Variants in SMCO1 observed in about 807,000 individuals in gnomAD.
SMCO1 encodes single-pass membrane and coiled-coil domain-containing protein 1.
Under a neutral mutation model 7.5 loss-of-function variants are expected in SMCO1, and 9 were observed. The observed-to-expected ratio is 1.20, with a 90% confidence interval of 0.72 to 2.09. SMCO1 has a LOEUF of 2.09. SMCO1 is among the 30% of genes most tolerant of loss of function. The pLI is 0.00. For synonymous variants in SMCO1, 90 were observed against 93.8 expected (o/e 0.96, Z 0.23); for missense variants, 219 against 253.1 (o/e 0.87, Z 0.91).
upstream of SMCO1, among the ~76,000 whole-genome samples, chr3:196,518,112 T>C (rs1030390967): frequency 3.3e-5 from 5 of 152,202 alleles, no homozygotes; most frequent in Admixed American, 6.5e-5. Flanking sequence ...AGAAGTAACA[T>C]GTACAGGCAT....
intron 1 of SMCO1, among the ~76,000 whole-genome samples, chr3:196,513,008 C>T (rs910278546): frequency 4.6e-5 from 7 of 152,038 alleles, no homozygotes; most frequent in Admixed American, 3.3e-4. Flanking sequence ...ACCTGATATG[C>T]CTGTAATTTC....
chr3:196,514,976 G>C (rs756209675), intron 1 of SMCO1, 184 bp downstream of exon 1: 1 of 669,410 alleles, frequency 1.5e-6, no homozygotes, highest in Non-Finnish European at 2.6e-6. Flanking sequence ...TCTTGACCCT[G>C]TGATCCGCCC....
upstream of SMCO1, among the ~76,000 whole-genome samples, chr3:196,517,057 A>G (rs1733404578): frequency 7.1e-6 from 1 of 140,118 alleles, no homozygotes. Flanking sequence ...AGAAATAGCA[A>G]TTGCGCCACT....
upstream of SMCO1, chr3:196,515,500 G>T: frequency 2.6e-6 from 1 of 389,176 alleles, no homozygotes; most frequent in Non-Finnish European, 4.7e-6. Context: ...CAACAACCAT[G>T]TATAATTAAT....
At chr3:196,512,548 T>C (rs1226815459) in intron 1 of SMCO1, among the ~76,000 whole-genome samples, 2 of 147,570 alleles carry the variant, frequency 1.4e-5, no homozygotes, top group Non-Finnish European at 3.0e-5. Context: ...AGTCTTGCTC[T>C]GTCGCCAGGC....
chr3:196,517,104 CAAAAAAAAAAAAAAAA>C (rs56104987), upstream of SMCO1, among the ~76,000 whole-genome samples: 4 of 35,738 alleles, frequency 1.1e-4, no homozygotes, highest in African/African-American at 6.5e-4. Flanking sequence ...GACTCCATCG[CAAAAAAAAAAAAAAAA>C]AAAAAAAAAA....
chr3:196,513,339 AAAG>A (rs1733299498), intron 1 of SMCO1, among the ~76,000 whole-genome samples: 1 of 151,678 alleles, frequency 6.6e-6, no homozygotes, highest in African/African-American at 2.4e-5. Flanking sequence ...AAAAAAAAAA[AAAG>A]AAAGTTGGCC....
At position 196,507,932 on chromosome 3, in the gene SMCO1, C is replaced by CT. The variant is rs757252804; in HGVS notation, c.599dup (p.Gln201AlafsTer23). The CT allele has an allele frequency of 3.1e-6, 5 of 1,613,988 alleles. No homozygotes were observed. The South Asian group carries it at 5.5e-5, about 18-fold the overall frequency. ...TCAACTCTTCGAGGGATGACTTTTG[C>CT]TTTTCAGGGGTCCTAACTGCTTTCC... On this transcript the variant is annotated frameshift_variant, in exon 3 of 3. Coordinates refer to ENST00000397537, the MANE Select transcript of SMCO1 (RefSeq NM_001077657.3). LOFTEE classifies it high-confidence loss of function.
chr3:196,510,414 TAGTGCTGAGA>T (rs1733188770), intron 1 of SMCO1, among the ~76,000 whole-genome samples: 1 of 152,196 alleles, frequency 6.6e-6, no homozygotes, highest in Non-Finnish European at 1.5e-5. Context: ...TAAAGTTAGC[TAGTGCTGAGA>T]CCAGTATATA....
chr3:196,512,509 CTTTTTTTTTT>C, intron 1 of SMCO1, among the ~76,000 whole-genome samples: 1 of 114,022 alleles, frequency 8.8e-6, no homozygotes, highest in South Asian at 2.7e-4. Context: ...TATTTCCTTT[CTTTTTTTTTT>C]TTTTTTTTTT....
At chr3:196,513,328 C>CA (rs1164510654) in intron 1 of SMCO1, among the ~76,000 whole-genome samples, 9,595 of 125,772 alleles carry the variant, frequency 0.076, 701 homozygotes, top group African/African-American at 0.21. Context: ...GACCCTGTGT[C>CA]AAAAAAAAAA....
Position 196,515,242 on chromosome 3 carries a change from A to G in SMCO1, c.-33T>C, listed in dbSNP as rs1403947982. On this transcript the variant is annotated 5_prime_UTR_variant, in exon 1 of 3. Transcript: ENST00000397537. ...AGGCAAAAGGAAAGAAAACAAAAAC[A>G]AAGCAAAACAAAAAAAGCAATAAAT... 5 of 1,537,114 alleles carry G rather than the reference A, an allele frequency of 3.3e-6. No homozygotes were observed. Among genetic ancestry groups the G allele is most frequent in the Non-Finnish European group, 2.7e-6 (3 of 1,111,644 alleles).
chr3:196,510,086 C>CTAGGTGTGATCTTCCCACCTAG (rs1733179446), intron 1 of SMCO1, among the ~76,000 whole-genome samples: 1 of 152,190 alleles, frequency 6.6e-6, no homozygotes. Flanking sequence ...CCCACCTCAG[C>CTAGGTGTGATCTTCCCACCTAG]CTCCCGAGTA....
intron 2 of SMCO1, among the ~76,000 whole-genome samples, chr3:196,509,097 T>A (rs2108661001): frequency 1.3e-5 from 2 of 151,418 alleles, no homozygotes. Flanking sequence ...TCACCCAGGC[T>A]GGAGTGCAGT....
chr3:196,508,063 C>T lies in SMCO1; in HGVS notation c.469G>A (p.Val157Met). The change falls in exon 3 of 3, where the codon GTG becomes ATG. Residue 157 changes from valine to methionine, a missense_variant. Physicochemically the swap from Val to Met is conservative, Grantham distance 21 (BLOSUM62 1). Transcript: ENST00000397537. ...ACATCCCTGATGTACATCTGCCTCA[C>T]TTTAGCAGTATAGTGTTCTGCCTTG... ...GNKAEHYTAK[V>M]RQMYIRDVTF... 1.2e-6 allele frequency: 2 copies of T among 1,614,212 alleles called. No individual in the cohort carries two copies. The highest frequency in any genetic ancestry group is 1.1e-5 in the South Asian group (1 of 91,088).
intron 1 of SMCO1, 167 bp downstream of exon 1, chr3:196,514,993 G>A: frequency 5.3e-6 from 4 of 757,834 alleles, no homozygotes; most frequent in Non-Finnish European, 6.7e-6. Flanking sequence ...GCCCACCTCG[G>A]CCTCCCAGTG....
At chr3:196,512,263 G>A (rs935131956) in intron 1 of SMCO1, among the ~76,000 whole-genome samples, 7 of 150,424 alleles carry the variant, frequency 4.7e-5, no homozygotes, top group African/African-American at 1.7e-4. Flanking sequence ...AACTTGCCTG[G>A]GCCAAGTAGA....
intron 2 of SMCO1, 124 bp from the exon 3 acceptor site, chr3:196,508,455 A>T: frequency 1.4e-6 from 1 of 715,190 alleles, no homozygotes; most frequent in Non-Finnish European, 2.1e-6. Context: ...AATTTAGAAA[A>T]TATTTACTTT....
upstream of SMCO1, among the ~76,000 whole-genome samples, chr3:196,517,195 C>T (rs1733409207): frequency 6.9e-6 from 1 of 145,582 alleles, no homozygotes; most frequent in Non-Finnish European, 1.5e-5. Context: ...GTCCCCATTT[C>T]AGCCACAAAG....
Sources: allele counts gnomAD v4.1 joint callset (sites outside exome capture counted in the v4.1 genomes callset), GRCh38; gene constraint gnomAD v4.1.1; transcripts MANE v1.5; gene names NCBI Gene and HGNC (gene_info 2026-07-23, HGNC 2026-07-21).